The following SLC41A2 variants were observed in gnomAD, a reference collection of about 807,000 sequenced individuals.
SLC41A2 encodes SLC41A1-like 1.
A neutral mutation model predicts 58.3 loss-of-function variants in SLC41A2; 32 were observed. The ratio of observed to expected loss-of-function variants is 0.55; its 90% CI spans 0.41 to 0.74. The LOEUF (loss-of-function observed/expected upper bound fraction) is 0.74. Among genes scored for constraint, SLC41A2 ranks in the 30% least tolerant of loss-of-function variants. The pLI, the probability that SLC41A2 is intolerant of heterozygous loss-of-function variation, is 0.00. For synonymous variants in SLC41A2, 190 were observed against 235.0 expected (o/e 0.81, Z 1.75); for missense variants, 514 against 680.6 (o/e 0.76, Z 2.72).
intron 6 of SLC41A2, among the ~76,000 whole-genome samples, chr12:104,876,779 A>G (rs552383634): frequency 1.3e-5 from 2 of 152,218 alleles, no homozygotes; most frequent in East Asian, 1.9e-4. Flanking sequence ...TGTTTTGTAC[A>G]TATCTGCTAG....
intron 6 of SLC41A2, among the ~76,000 whole-genome samples, chr12:104,868,159 G>T (rs2043568123): frequency 6.6e-6 from 1 of 151,920 alleles, no homozygotes; most frequent in Non-Finnish European, 1.5e-5. Context: ...TTGTTGAATG[G>T]ATTCACAGTT....
chr12:104,908,673 T>A lies in SLC41A2; in HGVS notation c.663+982A>T, dbSNP rs147659175. Among the ~76,000 whole-genome samples, 64 of 152,324 alleles carry A rather than the reference T, an allele frequency of 4.2e-4. 2 individuals carry two copies. In the East Asian group the frequency reaches 0.012, roughly 28 times the overall value. On this transcript the variant is annotated intron_variant, in intron 3 of 10. Coordinates refer to ENST00000258538, the MANE Select transcript of SLC41A2 (RefSeq NM_001352171.3). ...TACGTGGTTTTAACCATAACTTGGT[T>A]CCACAATGGCAAACCCCAAAATCAT...
chr12:104,931,768 A>G (rs942473195), intron 1 of SLC41A2: 1 of 152,278 alleles, frequency 6.6e-6, no homozygotes, highest in African/African-American at 2.4e-5. Context: ...ACTTGGAAGA[A>G]AGCCGTCTAC....
At chr12:104,872,581 A>C (rs986918748) in intron 6 of SLC41A2, among the ~76,000 whole-genome samples, 6 of 152,098 alleles carry the variant, frequency 3.9e-5, no homozygotes, top group African/African-American at 1.4e-4. Flanking sequence ...TAAAATACAA[A>C]AATTAGCCAG....
intron 10 of SLC41A2, among the ~76,000 whole-genome samples, chr12:104,831,111 A>G (rs1169767141): frequency 1.3e-5 from 2 of 151,994 alleles, no homozygotes; most frequent in African/African-American, 4.8e-5. Flanking sequence ...CACTATGTTG[A>G]CCAGGGTGGT....
At chr12:104,947,194 CCTTTTTTTTT>C (rs1430799017) in intron 1 of SLC41A2, among the ~76,000 whole-genome samples, 1,892 of 53,654 alleles carry the variant, frequency 0.035, 132 homozygotes, top group African/African-American at 0.14. Flanking sequence ...TTATTTTTGT[CCTTTTTTTTT>C]TTTTTTTTTT....
At chr12:104,824,294 A>G (rs1350792485) in intron 10 of SLC41A2, among the ~76,000 whole-genome samples, 2 of 151,384 alleles carry the variant, frequency 1.3e-5, no homozygotes, top group Non-Finnish European at 2.9e-5. Context: ...CTGGACATCG[A>G]GAGGAGCACA....
At chr12:104,900,424 T>C (rs1245370282) in intron 3 of SLC41A2, among the ~76,000 whole-genome samples, 2 of 152,210 alleles carry the variant, frequency 1.3e-5, no homozygotes, top group African/African-American at 4.8e-5. Flanking sequence ...AGATGATATA[T>C]ATGTTTGTTT....
At chr12:104,877,672 T>C (rs1369093720) in intron 6 of SLC41A2, among the ~76,000 whole-genome samples, 2 of 152,206 alleles carry the variant, frequency 1.3e-5, no homozygotes, top group East Asian at 3.8e-4. Flanking sequence ...AAGTCTTTTA[T>C]AAGGAGAGTT....
At chr12:104,943,216 A>ATGCAAAAAGAAGAAGAAGG (rs2047578315) in intron 1 of SLC41A2, among the ~76,000 whole-genome samples, 1 of 152,194 alleles carries the variant, frequency 6.6e-6, no homozygotes, top group Admixed American at 6.5e-5. Flanking sequence ...CAATGTATCA[A>ATGCAAAAAGAAGAAGAAGG]TGCTTAGAAG....
At chr12:104,816,114 C>T (rs988194375) in intron 10 of SLC41A2, among the ~76,000 whole-genome samples, 1 of 152,058 alleles carries the variant, frequency 6.6e-6, no homozygotes, top group African/African-American at 2.4e-5. Flanking sequence ...GATTCCAAAG[C>T]CCACACTGCT....
chr12:104,867,074 T>A (rs1369012151), intron 6 of SLC41A2, among the ~76,000 whole-genome samples: 22 of 152,148 alleles, frequency 1.4e-4, no homozygotes, highest in Non-Finnish European at 1.5e-4. Flanking sequence ...AAGTTAGTGC[T>A]CTTAACTCTA....
chr12:104,879,744 T>C (rs576497064), intron 6 of SLC41A2, among the ~76,000 whole-genome samples: 52 of 152,304 alleles, frequency 3.4e-4, no homozygotes, highest in African/African-American at 9.6e-4. Flanking sequence ...CCTCCAGCTT[T>C]GTTCTTTTGG....
chr12:104,806,310 C>T (rs9737956), intron 10 of SLC41A2, among the ~76,000 whole-genome samples: 30,105 of 151,138 alleles, frequency 0.2, 3,991 homozygotes, highest in African/African-American at 0.37. Context: ...TGAGAACATG[C>T]AGCGTTTGGT....
At chr12:104,919,441 C>T (rs1297860353) in intron 2 of SLC41A2, among the ~76,000 whole-genome samples, 1 of 152,234 alleles carries the variant, frequency 6.6e-6, no homozygotes, top group African/African-American at 2.4e-5. Context: ...GTTTCCACAG[C>T]AGCTGTACCA....
chr12:104,868,380 G>A (rs976400347), intron 6 of SLC41A2, among the ~76,000 whole-genome samples: 2 of 152,190 alleles, frequency 1.3e-5, no homozygotes, highest in African/African-American at 4.8e-5. Context: ...GGAGCACCCT[G>A]CTAGACTTTA....
chr12:104,878,008 C>CA (rs1363026708), intron 6 of SLC41A2, among the ~76,000 whole-genome samples: 1 of 151,020 alleles, frequency 6.6e-6, no homozygotes, highest in Non-Finnish European at 1.5e-5. Flanking sequence ...GACTCTGTCT[C>CA]AAAAAATTAA....
rs1491116311 is a variant in SLC41A2, at chr12:104,947,194, C to CTTTTTTT, written c.-168+10893_-168+10894insAAAAAAA. ...CTGAATTTCTGGCTTTTATTTTTGT[C>CTTTTTTT]CTTTTTTTTTTTTTTTTTTTTTTTT... On this transcript the variant is annotated intron_variant, in intron 1 of 10. Coordinates refer to ENST00000258538, the MANE Select transcript of SLC41A2 (RefSeq NM_001352171.3). 1.5e-3 allele frequency among the ~76,000 whole-genome samples: 79 copies of CTTTTTTT among 53,690 alleles called. 20 individuals carry two copies. The highest frequency in any genetic ancestry group is 6.1e-3 in the East Asian group (6 of 982). The allele number at this position is 53,690 out of a possible 152,430, so 35.2% of individuals were successfully genotyped here. A position where few individuals can be genotyped will look rare whatever the true frequency, so the allele number is the denominator to read the frequency against.
At chr12:104,923,574 A>C (rs2046704010) in intron 2 of SLC41A2, among the ~76,000 whole-genome samples, 1 of 152,120 alleles carries the variant, frequency 6.6e-6, no homozygotes, top group African/African-American at 2.4e-5. Flanking sequence ...ACAAACTTTT[A>C]GCTAGACTAT....
Sources: allele counts gnomAD v4.1 joint callset (sites outside exome capture counted in the v4.1 genomes callset), GRCh38; gene constraint gnomAD v4.1.1; transcripts MANE v1.5; gene names NCBI Gene and HGNC (gene_info 2026-07-23, HGNC 2026-07-21).